The following ADCY8 variants were observed in gnomAD, a reference collection of about 807,000 sequenced individuals.
ADCY8 encodes adenylate cyclase 8.
ADCY8 carries 51 observed loss-of-function variants against 119.7 expected under a neutral mutation model. The ratio of observed to expected loss-of-function variants is 0.43; its 90% CI spans 0.34 to 0.54. The LOEUF is 0.54. ADCY8 is among the 20% of genes least tolerant of loss of function. The probability of loss-of-function intolerance (pLI) is 0.03; values close to 1 mark genes in which losing one functional copy is unlikely to be tolerated. For synonymous variants in ADCY8, 665 were observed against 651.0 expected (o/e 1.02, Z -0.33); for missense variants, 1,383 against 1,598.8 (o/e 0.87, Z 2.30).
intron 2 of ADCY8, among the ~76,000 whole-genome samples, chr8:130,967,851 C>A (rs902753490): frequency 3.3e-5 from 5 of 152,128 alleles, no homozygotes; most frequent in African/African-American, 7.2e-5. Flanking sequence ...TGCCAGGAGA[C>A]CCCAATGCAT....
In ADCY8 at chr8:130,937,080, T is replaced by C; in HGVS notation, c.1474A>G (p.Thr492Ala). 6.2e-7 allele frequency: 1 copy of C among 1,611,066 alleles called. No individual in the cohort carries two copies. Among genetic ancestry groups the C allele is most frequent in the Non-Finnish European group, 8.5e-7 (1 of 1,178,368 alleles). The part of the protein sequence containing the change: ...CVEMGLSMIK[T>A]IRYVRSRTKH... ...ATGGGGATCACAAATTACCTGATGG[T>C]TTTGATCATGCTGAGACCCATTTCA... Residue 492 changes from threonine to alanine, a missense_variant, in exon 5 of 18, where the codon ACC becomes GCC. By Grantham distance (58) the Thr-to-Ala change is moderately conservative (BLOSUM62 0). This residue lies in a region of ADCY8 where 928 missense variants were observed against 1,163.5 expected (regional missense o/e 0.80). Coordinates refer to ENST00000286355, the MANE Select transcript of ADCY8 (RefSeq NM_001115.3).
Position 131,040,444 on chromosome 8 carries a change from C to T in ADCY8, c.-111G>A. 1 of 1,303,770 alleles carries T rather than the reference C, an allele frequency of 7.7e-7. No individual in the cohort carries two copies. 80.8% of individuals were successfully genotyped at this position (1,303,770 alleles called of 1,614,324 possible). A position where few individuals can be genotyped will look rare whatever the true frequency, so the allele number is the denominator to read the frequency against. The stretch of plus-strand genomic sequence containing the variant: ...GGAGCTTGGCAAGGATCCTTTTTAT[C>T]CTAGGCTGCCCCGTTGCAGGAGCCC... On this transcript the variant is annotated 5_prime_UTR_variant, in exon 1 of 18. Transcript: ENST00000286355.
chr8:130,946,563 C>T (rs6470869), intron 3 of ADCY8, among the ~76,000 whole-genome samples: 9,204 of 152,212 alleles, frequency 0.06, 916 homozygotes, highest in African/African-American at 0.21. Context: ...TCAAGCTTCT[C>T]GCCCTGTTGG....
At chr8:130,832,829 C>T (rs374619253) in intron 12 of ADCY8, among the ~76,000 whole-genome samples, 25 of 152,132 alleles carry the variant, frequency 1.6e-4, no homozygotes, top group African/African-American at 6.0e-4. Flanking sequence ...TGAGTACCTG[C>T]TATGTGCCAG....
chr8:131,028,283 T>C (rs1359062048), intron 1 of ADCY8, among the ~76,000 whole-genome samples: 8 of 152,240 alleles, frequency 5.3e-5, no homozygotes, highest in Non-Finnish European at 7.3e-5. Flanking sequence ...CTGGCTGAGA[T>C]GGCTTGGGCA....
intron 8 of ADCY8, among the ~76,000 whole-genome samples, chr8:130,877,845 C>T (rs1818625325): frequency 6.6e-6 from 1 of 152,090 alleles, no homozygotes; most frequent in African/African-American, 2.4e-5. Context: ...TTGTTGGAAG[C>T]ACCTCTTCCA....
intron 1 of ADCY8, among the ~76,000 whole-genome samples, chr8:131,025,899 CA>C (rs764470278): frequency 6.6e-6 from 1 of 152,160 alleles, no homozygotes; most frequent in Non-Finnish European, 1.5e-5. Context: ...TGAAATCATT[CA>C]CTTATTTAGG....
chr8:130,808,560 A>G (rs534766336), intron 14 of ADCY8, among the ~76,000 whole-genome samples: 7 of 152,344 alleles, frequency 4.6e-5, no homozygotes, highest in Non-Finnish European at 7.3e-5. Flanking sequence ...AAGGGTTATT[A>G]TCATTTGCCA....
At chr8:131,000,358 G>T (rs958756749) in intron 1 of ADCY8, among the ~76,000 whole-genome samples, 5 of 152,154 alleles carry the variant, frequency 3.3e-5, no homozygotes, top group Non-Finnish European at 7.4e-5. Context: ...AATGTGCTGG[G>T]TGTATGGGAA....
chr8:130,959,568 A>G (rs1334979972), intron 2 of ADCY8, among the ~76,000 whole-genome samples: 2 of 152,246 alleles, frequency 1.3e-5, no homozygotes, highest in African/African-American at 4.8e-5. Flanking sequence ...TAGTAATCAA[A>G]TAAGCATAGT....
chr8:130,847,522 TAAA>T lies in ADCY8; in HGVS notation c.2413-12_2413-10del, dbSNP rs5895060. 0.011 allele frequency: 15,684 copies of T among 1,394,292 alleles called. No individual in the cohort carries two copies. Among genetic ancestry groups the T allele is most frequent in the South Asian group, 0.014 (1,061 of 74,114 alleles). The allele number at this position is 1,394,292 out of a possible 1,614,324, so 86.4% of individuals were successfully genotyped here. A position where few individuals can be genotyped will look rare whatever the true frequency, so the allele number is the denominator to read the frequency against. On this transcript the variant is annotated splice_polypyrimidine_tract_variant and intron_variant, in intron 10 of 17. Transcript: ENST00000286355. ...TCAAAATCACACCACAGCTGCGGATTAAAAAAAAAAAAAAAAGAACAACAAAAA... is the reference window on the plus strand; with the variant it reads ...TCAAAATCACACCACAGCTGCGGATTAAAAAAAAAAAAAGAACAACAAAAA...
chr8:130,926,843 T>A (rs1820483420), intron 5 of ADCY8, among the ~76,000 whole-genome samples: 1 of 152,072 alleles, frequency 6.6e-6, no homozygotes, highest in African/African-American at 2.4e-5. Context: ...TTTATCTACC[T>A]GTGCTTAGCT....
chr8:130,963,839 T>A (rs1821681888), intron 2 of ADCY8, among the ~76,000 whole-genome samples: 1 of 152,158 alleles, frequency 6.6e-6, no homozygotes, highest in Non-Finnish European at 1.5e-5. Flanking sequence ...TGGTTTATCA[T>A]CCACACTCAG....
At chr8:130,919,316 C>T (rs1820229869) in intron 5 of ADCY8, among the ~76,000 whole-genome samples, 1 of 152,146 alleles carries the variant, frequency 6.6e-6, no homozygotes, top group Non-Finnish European at 1.5e-5. Flanking sequence ...CACACACACA[C>T]ACACACCACA....
chr8:130,973,906 T>A (rs905539893), intron 2 of ADCY8, among the ~76,000 whole-genome samples: 2 of 152,224 alleles, frequency 1.3e-5, no homozygotes, highest in African/African-American at 4.8e-5. Context: ...GGAATTAGTA[T>A]CTTGTTTTAT....
intron 1 of ADCY8, among the ~76,000 whole-genome samples, chr8:130,995,751 T>C (rs550570209): frequency 6.6e-6 from 1 of 152,288 alleles, no homozygotes; most frequent in African/African-American, 2.4e-5. Flanking sequence ...GATCACTATA[T>C]CAAAGTAGGA....
At chr8:130,832,188 T>G (rs11777206) in intron 12 of ADCY8, among the ~76,000 whole-genome samples, 5,050 of 152,258 alleles carry the variant, frequency 0.033, 117 homozygotes, top group South Asian at 0.082. Flanking sequence ...CTCTAGTGAC[T>G]GCTAAGATGT....
At chr8:130,987,880 C>T (rs1822451844) in intron 2 of ADCY8, among the ~76,000 whole-genome samples, 1 of 152,166 alleles carries the variant, frequency 6.6e-6, no homozygotes, top group Admixed American at 6.5e-5. Context: ...TGAGCCAAGT[C>T]AATCCATAAT....
At chr8:130,814,405 G>C (rs7839682) in intron 13 of ADCY8, among the ~76,000 whole-genome samples, 178 bp from the exon 14 acceptor site, 2,439 of 152,284 alleles carry the variant, frequency 0.016, 66 homozygotes, top group African/African-American at 0.055. Flanking sequence ...AGAATGATTA[G>C]GTTTCACAGG....
Sources: allele counts gnomAD v4.1 joint callset (sites outside exome capture counted in the v4.1 genomes callset), GRCh38; gene constraint gnomAD v4.1.1; regional missense constraint gnomAD v4.1.1; transcripts MANE v1.5; gene names NCBI Gene and HGNC (gene_info 2026-07-23, HGNC 2026-07-21).